Variants in NECAB2 observed in about 807,000 individuals in gnomAD.
NECAB2 encodes N-terminal EF-hand calcium-binding protein 2.
A neutral mutation model predicts 51.9 loss-of-function variants in NECAB2; 68 were observed. The observed-to-expected ratio is 1.31, with a 90% CI of 1.08 to 1.60. The LOEUF is 1.60. NECAB2 is among the 40% of genes most tolerant of loss of function. The probability of loss-of-function intolerance (pLI) is 0.00; values close to 1 mark genes in which losing one functional copy is unlikely to be tolerated. For missense variants in NECAB2, 854 were observed against 490.3 expected (o/e 1.74, Z -7.00); for synonymous variants, 329 against 203.5 (o/e 1.62, Z -5.25).
chr16:83,973,405 A>C (rs1342224408), intron 2 of NECAB2, among the ~76,000 whole-genome samples: 2 of 152,140 alleles, frequency 1.3e-5, no homozygotes, highest in African/African-American at 2.4e-5. Context: ...AGTTCCAACG[A>C]GTCTCCCACC....
chr16:83,997,348 C>A, intron 9 of NECAB2, 79 bp downstream of exon 9: 2 of 1,564,672 alleles, frequency 1.3e-6, no homozygotes, highest in African/African-American at 1.4e-5. Context: ...TGGCTCAATG[C>A]CCCTGACCCC....
intron 3 of NECAB2, 91 bp downstream of exon 3, chr16:83,978,643 A>AC: frequency 1.8e-6 from 2 of 1,131,634 alleles, no homozygotes; most frequent in Non-Finnish European, 2.6e-6. Flanking sequence ...AGTCCCCTGT[A>AC]AGGGGCAGGA....
intron 8 of NECAB2, among the ~76,000 whole-genome samples, chr16:83,996,780 G>T (rs1287461935): frequency 6.6e-6 from 1 of 152,188 alleles, no homozygotes; most frequent in Non-Finnish European, 1.5e-5. Context: ...TTACAGTGGG[G>T]CAGCACCTTC....
chr16:83,981,168 T>G (rs762443592), intron 5 of NECAB2, 41 bp downstream of exon 5: 7 of 1,504,608 alleles, frequency 4.7e-6, no homozygotes, highest in East Asian at 2.3e-5. Flanking sequence ...AGGGCTCCAG[T>G]GCTGCTTCAG....
chr16:83,992,995 G>T (rs573122552), intron 6 of NECAB2, among the ~76,000 whole-genome samples: 1 of 152,332 alleles, frequency 6.6e-6, no homozygotes, highest in African/African-American at 2.4e-5. Context: ...TCCATCACGC[G>T]TCAGCAGTTA....
intron 1 of NECAB2, among the ~76,000 whole-genome samples, chr16:83,970,669 G>GC (rs1009020444): frequency 5.8e-4 from 88 of 152,316 alleles, no homozygotes; most frequent in African/African-American, 2.1e-3. Flanking sequence ...GGCCCCAGCA[G>GC]CCCTCCCTGG....
chr16:83,976,967 G>A (rs543691931), intron 2 of NECAB2, among the ~76,000 whole-genome samples: 4 of 152,346 alleles, frequency 2.6e-5, no homozygotes, highest in African/African-American at 7.2e-5. Flanking sequence ...CTGCCATGTC[G>A]GGTTAGGCAG....
chr16:83,968,704 A>AGCC lies in NECAB2; in HGVS notation c.62_64dup (p.Pro21dup). On this transcript the variant is annotated inframe_insertion, in exon 1 of 13. Transcript: ENST00000305202. Reference sequence around the variant, plus strand: ...GCCGGCGCGCACAGGCTGCTCCGGGAGCCGCCGCAGCAGGGCCGGGCGCTG... The same window carrying AGCC: ...GCCGGCGCGCACAGGCTGCTCCGGGAGCCGCCGCCGCAGCAGGGCCGGGCGCTG... The AGCC allele has an allele frequency of 1.0e-6, 1 of 1,001,662 alleles. No homozygotes were observed. The highest frequency in any genetic ancestry group is 4.5e-5 in the South Asian group (1 of 22,124). The allele number at this position is 1,001,662 out of a possible 1,614,324, so 62.0% of individuals were successfully genotyped here.
intron 2 of NECAB2, among the ~76,000 whole-genome samples, chr16:83,977,130 G>T (rs1376274090): frequency 1.3e-5 from 2 of 152,204 alleles, no homozygotes; most frequent in African/African-American, 2.4e-5. Context: ...GTGCCATGTG[G>T]ACTCTCAGGG....
chr16:83,968,901 GC>G, intron 1 of NECAB2, 52 bp downstream of exon 1: 1 of 1,042,514 alleles, frequency 9.6e-7, no homozygotes. Context: ...GGGACCCGGA[GC>G]CCCCTCCGCC....
rs765181541 is a variant in NECAB2, at chr16:84,001,883, C to G, written c.1099C>G (p.Gln367Glu). ...FRHVKVDTLS[Q>E]PEALSRILVP... ...GCACGTCAAGGTGGACACACTGAGC[C>G]AGCCTGAGGCCCTCTCCAGGATCTT... Residue 367 changes from glutamine (Q) to glutamate (E), a missense_variant, in exon 12 of 13, where the codon CAG becomes GAG. Coordinates refer to ENST00000305202, the MANE Select transcript of NECAB2 (RefSeq NM_019065.3). 5 of 1,614,086 alleles carry G rather than the reference C, an allele frequency of 3.1e-6. No individual in the cohort carries two copies. The highest frequency in any genetic ancestry group is 2.2e-5 in the East Asian group (1 of 44,882).
intron 2 of NECAB2, among the ~76,000 whole-genome samples, chr16:83,973,612 C>T (rs943800817): frequency 2.6e-5 from 4 of 152,086 alleles, no homozygotes; most frequent in African/African-American, 9.7e-5. Flanking sequence ...GGGGGCTGTC[C>T]CTGAGATGGG....
chr16:83,997,491 T>C (rs953953362), intron 9 of NECAB2, among the ~76,000 whole-genome samples: 1 of 138,208 alleles, frequency 7.2e-6, no homozygotes, highest in African/African-American at 2.7e-5. Flanking sequence ...TTTTTTTTTT[T>C]TTTTTTTTTT....
chr16:83,965,308 C>T, upstream of NECAB2: 1 of 1,591,312 alleles, frequency 6.3e-7, no homozygotes, highest in Non-Finnish European at 8.6e-7. Context: ...TGGTCCTCGC[C>T]ACAGGCACGT....
chr16:83,981,036 T>C lies in NECAB2; in HGVS notation c.368T>C (p.Phe123Ser). 1 of 1,614,032 alleles carries C rather than the reference T, an allele frequency of 6.2e-7. No homozygotes were observed. Among genetic ancestry groups the C allele is most frequent in the South Asian group, 1.1e-5 (1 of 91,080 alleles). Residue 123 changes from phenylalanine (F) to serine (S), a missense_variant, in exon 5 of 13, where the codon TTT (phenylalanine) becomes TCT (serine). Physicochemically the swap from Phe to Ser is radical, Grantham distance 155 (BLOSUM62 -2). Transcript: ENST00000305202. ...HVDTKELCDY[F>S]VDHMGDYEDV... ...TTTGCCTTTCCTTCCCCAGATTACT[T>C]TGTGGACCACATGGGTGACTATGAG...
At chr16:83,995,752 C>T (rs970943131) in intron 8 of NECAB2, among the ~76,000 whole-genome samples, 1 of 152,158 alleles carries the variant, frequency 6.6e-6, no homozygotes, top group African/African-American at 2.4e-5. Flanking sequence ...TGGAGGGAGA[C>T]AGAGGCTGAC....
At chr16:83,983,636 T>C (rs1003570252) in intron 5 of NECAB2, among the ~76,000 whole-genome samples, 3 of 152,224 alleles carry the variant, frequency 2.0e-5, no homozygotes, top group African/African-American at 7.2e-5. Context: ...TATTTTTAGA[T>C]TGTCTCAAAT....
At chr16:83,972,834 C>G (rs1042570436) in intron 2 of NECAB2, among the ~76,000 whole-genome samples, 8 of 152,182 alleles carry the variant, frequency 5.3e-5, no homozygotes, top group Non-Finnish European at 7.3e-5. Context: ...CAGAAGGAGC[C>G]CAGGCCTTGA....
At position 83,979,451 on chromosome 16, in the gene NECAB2, C is replaced by T. The variant is rs375970867; in HGVS notation, c.335+899C>T. ...GCGGCTGAGAGAGTCCTGGGGGGCA[C>T]TGGCTGGGGACCGGGATATGGTAAG... On this transcript the variant is annotated intron_variant, in intron 3 of 12. Coordinates refer to ENST00000305202, the MANE Select transcript of NECAB2 (RefSeq NM_019065.3). 3.3e-5 allele frequency among the ~76,000 whole-genome samples: 5 copies of T among 152,264 alleles called. No homozygotes were observed. The South Asian group carries it at 1.0e-3, about 32-fold the overall frequency.
Sources: gnomAD v4.1 joint callset for allele counts (sites outside exome capture counted in the v4.1 genomes callset) on GRCh38, gnomAD v4.1.1 for gene constraint, MANE v1.5 for transcripts, NCBI Gene and HGNC (gene_info 2026-07-23, HGNC 2026-07-21) for gene names.